The following RYR3 variants were observed in gnomAD, a reference collection of about 807,000 sequenced individuals.
RYR3 encodes brain ryanodine receptor-calcium release channel.
A neutral mutation model predicts 584.3 loss-of-function variants in RYR3; 207 were observed. The observed-to-expected ratio is 0.35, with a 90% CI of 0.32 to 0.40. The LOEUF is 0.40. Ranked by LOEUF, RYR3 falls within the 10% of genes least tolerant of loss-of-function variation. The pLI is 1.00. For synonymous variants in RYR3, 2,416 were observed against 2,248.5 expected (o/e 1.07, Z -2.11); for missense variants, 5,616 against 6,089.2 (o/e 0.92, Z 2.59).
At chr15:33,461,045 C>T (rs536686496) in intron 1 of RYR3, among the ~76,000 whole-genome samples, 376 of 149,094 alleles carry the variant, frequency 2.5e-3, no homozygotes, top group African/African-American at 8.8e-3. Flanking sequence ...CCCGGGTTCA[C>T]GCCATTCTCC....
At chr15:33,465,562 A>G (rs1278597160) in intron 1 of RYR3, among the ~76,000 whole-genome samples, 1 of 152,158 alleles carries the variant, frequency 6.6e-6, no homozygotes, top group Non-Finnish European at 1.5e-5. Context: ...CTTGTAGGCC[A>G]TAGTAAGATA....
At chr15:33,583,746 C>A (rs11853511) in intron 14 of RYR3, among the ~76,000 whole-genome samples, 5,010 of 152,108 alleles carry the variant, frequency 0.033, 248 homozygotes, top group African/African-American at 0.11. Context: ...CATAGTGAGA[C>A]CCCATCTCAA....
intron 12 of RYR3, among the ~76,000 whole-genome samples, chr15:33,574,432 G>A (rs1013046898): frequency 6.6e-6 from 1 of 152,058 alleles, no homozygotes; most frequent in African/African-American, 2.4e-5. Context: ...ATGTACTCAT[G>A]GCATTCTCTT....
intron 73 of RYR3, 79 bp from the exon 74 acceptor site, chr15:33,813,377 CCAGAATGAAGA>C: frequency 8.7e-7 from 1 of 1,148,168 alleles, no homozygotes; most frequent in Non-Finnish European, 1.3e-6. Flanking sequence ...CAAAATTCTT[CCAGAATGAAGA>C]AGTCTGGGCT....
chr15:33,805,563 C>T (rs546797760), intron 69 of RYR3, among the ~76,000 whole-genome samples: 149 of 151,718 alleles, frequency 9.8e-4, no homozygotes, highest in African/African-American at 3.0e-3. Flanking sequence ...CTGCAAGCTC[C>T]GCCTCCCTGG....
chr15:33,354,174 G>A (rs1376114838), intron 1 of RYR3, among the ~76,000 whole-genome samples: 1 of 152,166 alleles, frequency 6.6e-6, no homozygotes, highest in Non-Finnish European at 1.5e-5. Context: ...GATACAGGTG[G>A]CATCTATGAG....
chr15:33,748,336 A>T lies in RYR3; in HGVS notation c.8136+76A>T. On this transcript the variant is annotated intron_variant, in intron 54 of 103. Transcript: ENST00000634891. ...AATCTGGGAATGTTCTGCCTGGGGC[A>T]TCGTAGGTGGGACCATCTAAGATGA... is the stretch of plus-strand genomic sequence containing the variant. 3 of 1,566,192 alleles carry T rather than the reference A, an allele frequency of 1.9e-6. No individual in the cohort carries two copies. In the Admixed American group the frequency reaches 5.3e-5, roughly 28 times the overall value.
At chr15:33,391,543 G>T (rs915793043) in intron 1 of RYR3, among the ~76,000 whole-genome samples, 1 of 151,464 alleles carries the variant, frequency 6.6e-6, no homozygotes, top group East Asian at 1.9e-4. Context: ...GGAGAATGAC[G>T]TGAACCTGGG....
chr15:33,666,767 T>A (rs891296667), intron 36 of RYR3, among the ~76,000 whole-genome samples: 2 of 152,178 alleles, frequency 1.3e-5, no homozygotes, highest in African/African-American at 4.8e-5. Flanking sequence ...GCTGGCAAGT[T>A]AGCCAAGCAT....
At chr15:33,514,445 G>A (rs1396513250) in intron 3 of RYR3, among the ~76,000 whole-genome samples, 2 of 152,154 alleles carry the variant, frequency 1.3e-5, no homozygotes, top group South Asian at 2.1e-4. Context: ...TTCTTCTAAG[G>A]AACAGCCTTT....
chr15:33,767,342 A>T (rs1354496316), intron 60 of RYR3, among the ~76,000 whole-genome samples: 1 of 152,144 alleles, frequency 6.6e-6, no homozygotes, highest in African/African-American at 2.4e-5. Context: ...GGGAAGAAAA[A>T]AAGAGCAGCC....
chr15:33,590,112 C>G (rs1203912024), intron 16 of RYR3, among the ~76,000 whole-genome samples: 1 of 151,986 alleles, frequency 6.6e-6, no homozygotes, highest in Non-Finnish European at 1.5e-5. Context: ...CAAGGTGCTC[C>G]GTGGGGGAGC....
chr15:33,690,701 A>G (rs2065356460), intron 38 of RYR3, among the ~76,000 whole-genome samples: 1 of 152,176 alleles, frequency 6.6e-6, no homozygotes, highest in Non-Finnish European at 1.5e-5. Context: ...AGGCCCTTTT[A>G]TATAGATCCG....
chr15:33,426,856 G>T (rs1389928306), intron 1 of RYR3, among the ~76,000 whole-genome samples: 1 of 152,196 alleles, frequency 6.6e-6, no homozygotes, highest in Non-Finnish European at 1.5e-5. Context: ...TCTGGTGAGA[G>T]CCCTGTTCTG....
At chr15:33,360,710 C>T (rs540609034) in intron 1 of RYR3, among the ~76,000 whole-genome samples, 2 of 152,358 alleles carry the variant, frequency 1.3e-5, no homozygotes, top group Non-Finnish European at 2.9e-5. Flanking sequence ...GGGTCAGTGA[C>T]ATTCCCAAGA....
chr15:33,563,244 A>G (rs557267850), intron 11 of RYR3, among the ~76,000 whole-genome samples: 173 of 152,322 alleles, frequency 1.1e-3, no homozygotes, highest in Non-Finnish European at 2.0e-3. Context: ...TGTGAGGAAG[A>G]GGTGATGTAT....
intron 19 of RYR3, among the ~76,000 whole-genome samples, chr15:33,621,099 T>C (rs1398994574): frequency 2.6e-5 from 4 of 152,128 alleles, no homozygotes; most frequent in Non-Finnish European, 4.4e-5. Flanking sequence ...AAATGCTACC[T>C]GAAACTCTAC....
chr15:33,563,243 G>A (rs1296400565), intron 11 of RYR3, among the ~76,000 whole-genome samples: 1 of 152,222 alleles, frequency 6.6e-6, no homozygotes, highest in Non-Finnish European at 1.5e-5. Context: ...CTGTGAGGAA[G>A]AGGTGATGTA....
intron 6 of RYR3, among the ~76,000 whole-genome samples, chr15:33,539,828 G>A (rs758079047): frequency 2.6e-4 from 39 of 152,098 alleles, no homozygotes; most frequent in Non-Finnish European, 4.4e-4. Flanking sequence ...GGAAGAGAAA[G>A]TATATATACT....
Sources: allele counts gnomAD v4.1 joint callset (sites outside exome capture counted in the v4.1 genomes callset), GRCh38; gene constraint gnomAD v4.1.1; transcripts MANE v1.5; gene names NCBI Gene and HGNC (gene_info 2026-07-23, HGNC 2026-07-21).